The following RERE variants were observed in gnomAD, a reference collection of about 807,000 sequenced individuals.
RERE encodes arginine-glutamic acid dipeptide repeats protein.
A neutral mutation model predicts 146.1 loss-of-function variants in RERE; 40 were observed. That is an observed-to-expected ratio of 0.27 (90% CI 0.21 to 0.36). RERE has a LOEUF of 0.36. RERE is among the 10% of genes least tolerant of loss of function. The pLI is 1.00. For missense variants in RERE, 1,933 were observed against 2,138.7 expected (o/e 0.90, Z 1.90); for synonymous variants, 1,003 against 866.0 (o/e 1.16, Z -2.78).
In RERE at chr1:8,356,456, C is replaced by T. The variant is rs1398974169; in HGVS notation, c.4340-210G>A. Among the ~76,000 whole-genome samples, 4 of 152,258 alleles carry T rather than the reference C, an allele frequency of 2.6e-5. No homozygotes were observed. The highest frequency in any genetic ancestry group is 3.9e-4 in the East Asian group (2 of 5,166). On this transcript the variant is annotated intron_variant, in intron 20 of 22. Transcript: ENST00000400908. This position sits in a 1 kb window ranked among gnomAD's most constrained non-coding sequence, Gnocchi z 5.2. ...CCAGAGGCCGAGAGAAGTGACGAGC[C>T]CACCGCTGATGCAGGCACTCCCTCG...
At chr1:8,600,571 G>A (rs1016685642) in intron 4 of RERE, among the ~76,000 whole-genome samples, 1 of 152,066 alleles carries the variant, frequency 6.6e-6, no homozygotes, top group African/African-American at 2.4e-5. Flanking sequence ...AAGTGATAGC[G>A]AAATCAGTCA....
At chr1:8,505,147 A>G (rs1057435860) in intron 8 of RERE, among the ~76,000 whole-genome samples, 7 of 152,234 alleles carry the variant, frequency 4.6e-5, no homozygotes, top group Non-Finnish European at 7.3e-5. Context: ...GAATTAAGAG[A>G]GATTTAAGAG....
At chr1:8,736,276 G>A (rs555035465) in intron 1 of RERE, among the ~76,000 whole-genome samples, 14 of 152,222 alleles carry the variant, frequency 9.2e-5, no homozygotes, top group African/African-American at 3.4e-4. Flanking sequence ...GCACAATCTT[G>A]GCTCACTGCA....
intron 12 of RERE, among the ~76,000 whole-genome samples, chr1:8,370,194 G>A (rs1442749366): frequency 2.0e-5 from 3 of 151,960 alleles, no homozygotes; most frequent in Non-Finnish European, 4.4e-5. Flanking sequence ...ACTACAACTT[G>A]GCAATTAAAA....
At chr1:8,563,126 C>T (rs1408364909) in intron 4 of RERE, among the ~76,000 whole-genome samples, 1 of 152,130 alleles carries the variant, frequency 6.6e-6, no homozygotes, top group Non-Finnish European at 1.5e-5. Context: ...ACAGTCTGCC[C>T]AAACACAGAC....
intron 1 of RERE, chr1:8,786,975 G>A: frequency 1.6e-6 from 1 of 625,598 alleles, no homozygotes; most frequent in Non-Finnish European, 2.8e-6. Context: ...CTTTCACACA[G>A]CAGCCAAAGT....
At chr1:8,439,124 C>A (rs1191422735) in intron 11 of RERE, among the ~76,000 whole-genome samples, 1 of 152,224 alleles carries the variant, frequency 6.6e-6, no homozygotes. Context: ...AGTCTGAGAA[C>A]CGCTGACAGA....
chr1:8,400,837 CAAAAAAA>C (rs147651647), intron 12 of RERE, among the ~76,000 whole-genome samples: 7 of 58,664 alleles, frequency 1.2e-4, no homozygotes, highest in African/African-American at 2.5e-4. Flanking sequence ...AACACCATCT[CAAAAAAA>C]AAAAAAAAAA....
At chr1:8,628,017 C>A (rs1449767170) in intron 2 of RERE, among the ~76,000 whole-genome samples, 1 of 152,160 alleles carries the variant, frequency 6.6e-6, no homozygotes, top group Admixed American at 6.5e-5. Flanking sequence ...GAGAGAGATC[C>A]TCAACCGGAC....
chr1:8,576,176 G>T (rs915973256), intron 4 of RERE, among the ~76,000 whole-genome samples: 1 of 151,854 alleles, frequency 6.6e-6, no homozygotes, highest in Non-Finnish European at 1.5e-5. Context: ...AGTGTGTAAA[G>T]GGGTATTTAT....
At chr1:8,737,862 G>T (rs943109302) in intron 1 of RERE, among the ~76,000 whole-genome samples, 2 of 152,158 alleles carry the variant, frequency 1.3e-5, no homozygotes, top group Non-Finnish European at 1.5e-5. Context: ...GAAAGCTTAA[G>T]CAAAATGTTA....
At chr1:8,600,366 C>A (rs111421221) in intron 4 of RERE, among the ~76,000 whole-genome samples, 1 of 152,326 alleles carries the variant, frequency 6.6e-6, no homozygotes, top group African/African-American at 2.4e-5. Flanking sequence ...CATTTGCCAG[C>A]TGTTTTTCTT....
At chr1:8,725,810 T>G (rs1639951471) in intron 1 of RERE, among the ~76,000 whole-genome samples, 1 of 152,058 alleles carries the variant, frequency 6.6e-6, no homozygotes, top group South Asian at 2.1e-4. Flanking sequence ...AGGTTAAAAA[T>G]TAGAAGAAAA....
At chr1:8,655,208 G>T (rs1476659235) in intron 2 of RERE, among the ~76,000 whole-genome samples, 2 of 151,394 alleles carry the variant, frequency 1.3e-5, no homozygotes, top group Admixed American at 1.3e-4. Flanking sequence ...TGATCTTCAG[G>T]GCTTTTTTTT....
intron 1 of RERE, among the ~76,000 whole-genome samples, chr1:8,748,850 C>T (rs1371308348): frequency 1.3e-5 from 2 of 151,964 alleles, no homozygotes; most frequent in Non-Finnish European, 2.9e-5. Flanking sequence ...CTAGAAGGCC[C>T]AAATAGGTCT....
intron 12 of RERE, among the ~76,000 whole-genome samples, chr1:8,374,305 A>T (rs369485762): frequency 6.6e-6 from 1 of 152,178 alleles, no homozygotes; most frequent in East Asian, 1.9e-4. Flanking sequence ...AGTCTAAGAC[A>T]CTCATGAAGA....
intron 11 of RERE, among the ~76,000 whole-genome samples, chr1:8,437,378 A>G (rs1333496747): frequency 1.3e-5 from 2 of 152,180 alleles, no homozygotes; most frequent in Non-Finnish European, 2.9e-5. Context: ...AAGCATTTCA[A>G]TGACAAAAGC....
chr1:8,563,794 T>C (rs370671219), intron 4 of RERE, among the ~76,000 whole-genome samples: 1 of 152,194 alleles, frequency 6.6e-6, no homozygotes, highest in Non-Finnish European at 1.5e-5. Context: ...GGCTAACATG[T>C]GTATACTGTA....
At chr1:8,698,636 T>C (rs1414574299) in intron 1 of RERE, among the ~76,000 whole-genome samples, 1 of 152,226 alleles carries the variant, frequency 6.6e-6, no homozygotes, top group Non-Finnish European at 1.5e-5. Context: ...AAGTGATTAT[T>C]TCAAATCATT....
Sources: gnomAD v4.1 joint callset for allele counts (sites outside exome capture counted in the v4.1 genomes callset) on GRCh38, gnomAD v4.1.1 for gene constraint, Gnocchi (gnomAD v3.1) non-coding constraint, MANE v1.5 for transcripts, NCBI Gene and HGNC (gene_info 2026-07-23, HGNC 2026-07-21) for gene names.